MAGI1: variants seen among roughly 807,000 people sequenced by gnomAD.
MAGI1 encodes membrane associated guanylate kinase, WW and PDZ domain containing 1.
A neutral mutation model predicts 139.9 loss-of-function variants in MAGI1; 58 were observed. The ratio of observed to expected loss-of-function variants is 0.41; its 90% CI spans 0.34 to 0.52. MAGI1 has a LOEUF of 0.52. Among genes scored for constraint, MAGI1 ranks in the 20% least tolerant of loss-of-function variants. The pLI, the probability that MAGI1 is intolerant of heterozygous loss-of-function variation, is 0.12. For synonymous variants in MAGI1, 812 were observed against 737.9 expected, an observed-to-expected ratio of 1.10 and a Z score of -1.63; for missense variants, 1,874 against 1,901.6, an observed-to-expected ratio of 0.99 and a Z score of 0.27.
intron 1 of MAGI1, among the ~76,000 whole-genome samples, chr3:65,999,968 C>A (rs1034342942): frequency 3.1e-5 from 4 of 129,168 alleles, no homozygotes; most frequent in African/African-American, 8.4e-5. Context: ...TTGTTCCCCC[C>A]ACGCTTTTTT....
At chr3:65,785,191 G>A (rs1314242898) in intron 1 of MAGI1, among the ~76,000 whole-genome samples, 2 of 151,288 alleles carry the variant, frequency 1.3e-5, no homozygotes, top group Non-Finnish European at 2.9e-5. Context: ...TACTTACTAA[G>A]TAATTTTTAT....
intron 1 of MAGI1, among the ~76,000 whole-genome samples, chr3:65,708,983 T>A (rs1279300931): frequency 6.6e-6 from 1 of 152,212 alleles, no homozygotes; most frequent in Admixed American, 6.5e-5. Flanking sequence ...AAACTGAGGT[T>A]TTATAAAGGT....
intron 1 of MAGI1, among the ~76,000 whole-genome samples, chr3:65,984,688 ACCAT>A (rs2065785845): frequency 7.0e-6 from 1 of 141,886 alleles, no homozygotes; most frequent in African/African-American, 2.6e-5. Context: ...GGCATGCACC[ACCAT>A]GCCTTGCTAA....
At chr3:65,691,579 T>C (rs1006011783) in intron 1 of MAGI1, among the ~76,000 whole-genome samples, 8 of 152,196 alleles carry the variant, frequency 5.3e-5, no homozygotes, top group African/African-American at 9.6e-5. Context: ...GAACATTATG[T>C]TCAGGAAAAC....
At chr3:65,374,313 CTTTTTTTT>C (rs3072933) in intron 18 of MAGI1, among the ~76,000 whole-genome samples, 1 of 95,054 alleles carries the variant, frequency 1.1e-5, no homozygotes, top group Non-Finnish European at 1.9e-5. Flanking sequence ...ATCAACTTAA[CTTTTTTTT>C]TTTTTTTTTT....
intron 1 of MAGI1, among the ~76,000 whole-genome samples, chr3:65,934,575 G>A (rs1327564819): frequency 6.6e-6 from 1 of 152,044 alleles, no homozygotes; most frequent in Non-Finnish European, 1.5e-5. Context: ...GACTAATGGT[G>A]CAGTACATTT....
intron 12 of MAGI1, among the ~76,000 whole-genome samples, chr3:65,421,006 T>C (rs191617058): frequency 6.6e-6 from 1 of 152,256 alleles, no homozygotes; most frequent in East Asian, 1.9e-4. Flanking sequence ...TTAAAAACCA[T>C]GAGATCAAAA....
At chr3:65,522,697 C>A (rs892580428) in intron 2 of MAGI1, among the ~76,000 whole-genome samples, 3 of 152,198 alleles carry the variant, frequency 2.0e-5, no homozygotes, top group Non-Finnish European at 4.4e-5. Context: ...CTCAAGACTT[C>A]AATTTGGGTA....
intron 1 of MAGI1, among the ~76,000 whole-genome samples, chr3:65,794,303 T>C (rs906323457): frequency 2.6e-5 from 4 of 152,186 alleles, no homozygotes; most frequent in Non-Finnish European, 5.9e-5. Context: ...GACTGAGACC[T>C]AGAATACATA....
At chr3:65,559,710 T>C (rs1340476339) in intron 2 of MAGI1, among the ~76,000 whole-genome samples, 1 of 152,194 alleles carries the variant, frequency 6.6e-6, no homozygotes, top group Non-Finnish European at 1.5e-5. Context: ...CTTGTCTAAC[T>C]TCTCTTGGCT....
intron 1 of MAGI1, among the ~76,000 whole-genome samples, chr3:65,937,925 G>T (rs1438905286): frequency 6.6e-6 from 1 of 151,796 alleles, no homozygotes; most frequent in South Asian, 2.1e-4. Flanking sequence ...TTTTTTTAAT[G>T]TACTTTTATA....
chr3:65,512,772 T>C (rs1315268986), intron 2 of MAGI1, among the ~76,000 whole-genome samples: 8 of 146,956 alleles, frequency 5.4e-5, no homozygotes, highest in African/African-American at 2.0e-4. Flanking sequence ...TTCCAATCAA[T>C]AGAAAAAGAG....
intron 1 of MAGI1, among the ~76,000 whole-genome samples, chr3:65,639,789 G>T (rs1011395545): frequency 6.6e-6 from 1 of 151,938 alleles, no homozygotes; most frequent in Non-Finnish European, 1.5e-5. Context: ...GATCACCTGA[G>T]GTCTGGAGTT....
At chr3:65,661,403 C>G (rs1198924509) in intron 1 of MAGI1, among the ~76,000 whole-genome samples, 2 of 152,122 alleles carry the variant, frequency 1.3e-5, no homozygotes, top group Non-Finnish European at 2.9e-5. Flanking sequence ...AGGAAAGAAG[C>G]CATTTAAAAT....
Position 65,907,453 on chromosome 3 carries a change from AT to A in MAGI1, c.313+130542del, listed in dbSNP as rs2061484115. Among the ~76,000 whole-genome samples the A allele has an allele frequency of 2.6e-5, 4 of 152,268 alleles. No homozygotes were observed. The South Asian group carries it at 8.3e-4, about 32-fold the overall frequency. Reference sequence around the variant, plus strand: ...GAAAGTCACCACATGCAAAGTACTTATCCCCCCACACCCGCCTTCCCTGGAA... The same window carrying A: ...GAAAGTCACCACATGCAAAGTACTTACCCCCCACACCCGCCTTCCCTGGAA... On this transcript the variant is annotated intron_variant, in intron 1 of 22. Coordinates refer to ENST00000402939, the MANE Select transcript of MAGI1 (RefSeq NM_001033057.2).
intron 2 of MAGI1, among the ~76,000 whole-genome samples, chr3:65,607,549 A>T (rs1158094268): frequency 3.3e-5 from 5 of 152,208 alleles, no homozygotes; most frequent in Non-Finnish European, 7.3e-5. Context: ...TTTGCTTTGC[A>T]AATGAAAAAA....
At chr3:65,797,099 C>T (rs1032807410) in intron 1 of MAGI1, among the ~76,000 whole-genome samples, 1 of 152,090 alleles carries the variant, frequency 6.6e-6, no homozygotes, top group Non-Finnish European at 1.5e-5. Flanking sequence ...ACATGAAGCT[C>T]AAGTGGTTAT....
At chr3:65,613,897 AAG>A (rs1302872141) in intron 2 of MAGI1, among the ~76,000 whole-genome samples, 3 of 152,208 alleles carry the variant, frequency 2.0e-5, no homozygotes, top group Admixed American at 2.0e-4. Flanking sequence ...AGAAACTGAA[AAG>A]AGTGTTTGGG....
intron 1 of MAGI1, among the ~76,000 whole-genome samples, chr3:65,786,569 C>T (rs1035041885): frequency 6.6e-6 from 1 of 150,662 alleles, no homozygotes; most frequent in African/African-American, 2.4e-5. Context: ...TCCAAGAGTG[C>T]TGGGATTACT....
Sources: gnomAD v4.1 joint callset for allele counts (sites outside exome capture counted in the v4.1 genomes callset) on GRCh38, gnomAD v4.1.1 for gene constraint, MANE v1.5 for transcripts, NCBI Gene and HGNC (gene_info 2026-07-23, HGNC 2026-07-21) for gene names.